The following ARAP1 variants were observed in gnomAD, a reference collection of about 807,000 sequenced individuals.
ARAP1 encodes the protein arf-GAP with Rho-GAP domain, ANK repeat and PH domain-containing protein 1.
In ARAP1, 76 loss-of-function variants were observed where a neutral mutation model predicts 172.2. That is an observed-to-expected ratio of 0.44 (90% confidence interval 0.37 to 0.53). ARAP1 has a LOEUF of 0.53. Among genes scored for constraint, ARAP1 ranks in the 20% least tolerant of loss-of-function variants. The probability of loss-of-function intolerance (pLI) is 0.00; values close to 1 mark genes in which losing one functional copy is unlikely to be tolerated. For missense variants in ARAP1, 1,686 were observed against 1,977.5 expected (o/e 0.85, Z 2.80); for synonymous variants, 804 against 803.3 (o/e 1.00, Z -0.01).
At chr11:72,742,097 G>C (rs1858216417) in intron 1 of ARAP1, among the ~76,000 whole-genome samples, 1 of 152,168 alleles carries the variant, frequency 6.6e-6, no homozygotes, top group Admixed American at 6.5e-5. Flanking sequence ...AGAAGGGAAA[G>C]AGGGAGACAG....
Position 72,693,723 on chromosome 11 carries a change from G to A in ARAP1, c.3777C>T (p.His1259=). 6.2e-7 allele frequency: 1 copy of A among 1,610,150 alleles called. No homozygotes were observed. Among genetic ancestry groups the A allele is most frequent in the Non-Finnish European group, 8.5e-7 (1 of 1,178,238 alleles). ...GTDSHLVVKK[H]QAMEAMLLYL... ...ACAGCAGCATGGCCTCCATGGCCTG[G>A]TGCTTCTTCACCACCAGGTGGCTGT... The change falls in exon 28 of 35, where the codon CAC becomes CAT. Residue 1259 remains histidine, a synonymous_variant. Coordinates refer to ENST00000393609, the MANE Select transcript of ARAP1 (RefSeq NM_001040118.3). The surrounding 1 kb of genome is among the most constrained non-coding windows in gnomAD (Gnocchi z 4.6).
intron 1 of ARAP1, among the ~76,000 whole-genome samples, chr11:72,750,527 C>T (rs1023740632): frequency 6.7e-6 from 1 of 149,176 alleles, no homozygotes; most frequent in Admixed American, 6.6e-5. Context: ...CCCCTGGGTT[C>T]TCTCTTTCTT....
intron 3 of ARAP1, among the ~76,000 whole-genome samples, chr11:72,722,639 G>A (rs979131070): frequency 6.6e-6 from 1 of 152,200 alleles, no homozygotes; most frequent in South Asian, 2.1e-4. Flanking sequence ...TGGACTGCAG[G>A]GCAGTCAAGG....
At chr11:72,736,352 C>T (rs1858024464) in intron 1 of ARAP1, among the ~76,000 whole-genome samples, 1 of 151,170 alleles carries the variant, frequency 6.6e-6, no homozygotes, top group Non-Finnish European at 1.5e-5. Flanking sequence ...AAGTGATCCT[C>T]CCACCTCCCC....
At chr11:72,704,060 T>G in intron 14 of ARAP1, 92 bp downstream of exon 14, 1 of 1,483,772 alleles carries the variant, frequency 6.7e-7, no homozygotes, top group African/African-American at 1.4e-5. Flanking sequence ...CTCCCTGAGC[T>G]GGTAGATGAG....
At position 72,691,064 on chromosome 11, in the gene ARAP1, C is replaced by T. The variant is rs189485979; in HGVS notation, c.3987+1689G>A. On this transcript the variant is annotated intron_variant, in intron 30 of 34. Coordinates refer to ENST00000393609, the MANE Select transcript of ARAP1 (RefSeq NM_001040118.3). Reference sequence around the variant, plus strand: ...ACCTACCCTGTGCTGAGCACCCCTCCCTGCTGAGTCCTCAAGTCTGAGACT... The same window carrying T: ...ACCTACCCTGTGCTGAGCACCCCTCTCTGCTGAGTCCTCAAGTCTGAGACT... Among the ~76,000 whole-genome samples the T allele has an allele frequency of 1.2e-4, 19 of 152,350 alleles. 1 individual carries two copies. The East Asian group carries it at 3.7e-3, about 29-fold the overall frequency.
rs566883592 is a variant in ARAP1, at chr11:72,711,259, G to C, written c.1093-118C>G. On this transcript the variant is annotated intron_variant, in intron 8 of 34. Transcript: ENST00000393609. ...CAGCTGGTTAGAGACAAGACCCTGT[G>C]CTGACCCTGACTGCAGCCCTCAGCA... 50 of 1,516,456 alleles carry C rather than the reference G, an allele frequency of 3.3e-5. No homozygotes were observed. In the South Asian group the frequency reaches 4.8e-4, roughly 15 times the overall value. 93.9% of individuals were successfully genotyped at this position (1,516,456 alleles called of 1,614,324 possible).
intron 18 of ARAP1, 121 bp from the exon 19 acceptor site, chr11:72,698,227 C>T: frequency 8.1e-7 from 1 of 1,227,510 alleles, no homozygotes; most frequent in Non-Finnish European, 1.1e-6. Context: ...CTTCTCTTCC[C>T]CAAGGCAGAA....
intron 18 of ARAP1, among the ~76,000 whole-genome samples, chr11:72,698,602 C>G (rs2135510234): frequency 6.6e-6 from 1 of 152,324 alleles, no homozygotes; most frequent in Non-Finnish European, 1.5e-5. Context: ...CCACAGGCAC[C>G]TGGCTCTAGT....
At chr11:72,729,344 C>A (rs1417697022) in intron 2 of ARAP1, among the ~76,000 whole-genome samples, 1 of 152,178 alleles carries the variant, frequency 6.6e-6, no homozygotes, top group Non-Finnish European at 1.5e-5. Context: ...ATAATCCCAG[C>A]ACTTAGGGAT....
chr11:72,713,160 C>A lies in ARAP1; in HGVS notation c.747+16G>T. 6.2e-7 allele frequency: 1 copy of A among 1,613,512 alleles called. No homozygotes were observed. Among genetic ancestry groups the A allele is most frequent in the East Asian group, 2.2e-5 (1 of 44,872 alleles). ...ACAACACCCTGACAGGCAGACAGTC[C>A]CATGCCTGGCCCCACCTTCTTGGTC... On this transcript the variant is annotated intron_variant, in intron 5 of 34. Transcript: ENST00000393609.
chr11:72,710,414 C>T lies in ARAP1; in HGVS notation c.1387G>A (p.Asp463Asn), dbSNP rs748856347. The change falls in exon 10 of 35, where the codon GAC becomes AAC. Residue 463 changes from aspartate to asparagine, a missense_variant. By Grantham distance (23) the Asp-to-Asn change is conservative. This residue lies in a region of ARAP1 where 688 missense variants were observed against 856.9 expected (regional missense o/e 0.80). Coordinates refer to ENST00000393609, the MANE Select transcript of ARAP1 (RefSeq NM_001040118.3). The surrounding 1 kb of genome is among the most constrained non-coding windows in gnomAD (Gnocchi z 4.3). Reference protein sequence around the residue: ...KNKLYVAVVGDKVQLYKNLEE... With the variant: ...KNKLYVAVVGNKVQLYKNLEE... Reference sequence around the variant, plus strand: ...AGATTCTTGTAGAGCTGCACTTTGTCCCCGACCACGGCCACGTACAGCTTA... The same window carrying T: ...AGATTCTTGTAGAGCTGCACTTTGTTCCCGACCACGGCCACGTACAGCTTA... 3.7e-5 allele frequency: 60 copies of T among 1,614,020 alleles called. No homozygotes were observed. The East Asian group carries it at 1.2e-3, about 31-fold the overall frequency.
In ARAP1 at chr11:72,696,596, G is replaced by A; in HGVS notation, c.3225C>T (p.Pro1075=). 1 of 1,605,346 alleles carries A rather than the reference G, an allele frequency of 6.2e-7. No individual in the cohort carries two copies. The highest frequency in any genetic ancestry group is 8.5e-7 in the Non-Finnish European group (1 of 1,174,312). ...SRYRELLVRL[P]PVNRATVKAL... is the part of the protein sequence containing the mutation. ...CCTTCACTGTGGCCCGGTTGACAGG[G>A]GGCAGCCGCACCAGCAGCTCTCGGT... The change falls in exon 23 of 35, where the codon CCC becomes CCT. Residue 1075 remains proline, a synonymous_variant. Coordinates refer to ENST00000393609, the MANE Select transcript of ARAP1 (RefSeq NM_001040118.3).
At position 72,699,692 on chromosome 11, in the gene ARAP1, C is replaced by G. The variant is rs1856386767; in HGVS notation, c.2303-140G>C. ...AAGTTTTCCCTAAATCCATCCACCTCTCTGCATCCCCACCACGCTAGCCAG... is the reference window on the plus strand; with the variant it reads ...AAGTTTTCCCTAAATCCATCCACCTGTCTGCATCCCCACCACGCTAGCCAG... On this transcript the variant is annotated intron_variant, in intron 16 of 34. Coordinates refer to ENST00000393609, the MANE Select transcript of ARAP1 (RefSeq NM_001040118.3). This position sits in a 1 kb window ranked among gnomAD's most constrained non-coding sequence, Gnocchi z 4.2. 1.7e-6 allele frequency: 2 copies of G among 1,183,146 alleles called. No individual in the cohort carries two copies. The highest frequency in any genetic ancestry group is 3.1e-5 in the South Asian group (2 of 65,560). The allele number at this position is 1,183,146 out of a possible 1,614,324, so 73.3% of individuals were successfully genotyped here.
chr11:72,689,593 T>C (rs1334693699), intron 30 of ARAP1: 2 of 152,432 alleles, frequency 1.3e-5, no homozygotes, highest in East Asian at 3.9e-4. Context: ...GGACTTCCTG[T>C]GATATCACAA....
chr11:72,733,918 A>C (rs2135580640), intron 1 of ARAP1, among the ~76,000 whole-genome samples: 1 of 152,166 alleles, frequency 6.6e-6, no homozygotes, highest in Non-Finnish European at 1.5e-5. Flanking sequence ...CCACCTCCCA[A>C]GTTCAAGCAC....
chr11:72,709,435 G>C (rs1200958151), intron 11 of ARAP1, among the ~76,000 whole-genome samples: 1 of 152,162 alleles, frequency 6.6e-6, no homozygotes, highest in Non-Finnish European at 1.5e-5. Flanking sequence ...CCAGGGAGAG[G>C]GCAGAGGACA....
In ARAP1 at chr11:72,696,532, A is replaced by G. The variant is rs1856200857; in HGVS notation, c.3272+17T>C. 6.7e-7 allele frequency: 1 copy of G among 1,490,974 alleles called. No individual in the cohort carries two copies. Among genetic ancestry groups the G allele is most frequent in the Admixed American group, 2.3e-5 (1 of 42,886 alleles). 92.4% of individuals were successfully genotyped at this position (1,490,974 alleles called of 1,614,324 possible). ...CATCCCATCCCCCCAGAATCTCACA[A>G]TGGTATCGTCCCTCACCAGTACAGG... is the stretch of plus-strand genomic sequence containing the variant. On this transcript the variant is annotated intron_variant, in intron 23 of 34. Coordinates refer to ENST00000393609, the MANE Select transcript of ARAP1 (RefSeq NM_001040118.3).
intron 27 of ARAP1, among the ~76,000 whole-genome samples, chr11:72,694,246 T>C (rs1208832220): frequency 1.3e-5 from 2 of 151,816 alleles, no homozygotes; most frequent in Admixed American, 1.3e-4. Flanking sequence ...GCCTTCAAAG[T>C]GTGCTCTAAT....
Sources: allele counts gnomAD v4.1 joint callset (sites outside exome capture counted in the v4.1 genomes callset), GRCh38; gene constraint gnomAD v4.1.1; regional missense constraint gnomAD v4.1.1; non-coding constraint Gnocchi (gnomAD v3.1); transcripts MANE v1.5; gene names NCBI Gene and HGNC (gene_info 2026-07-23, HGNC 2026-07-21).